The following KIF18A variants were observed in gnomAD, a reference collection of about 807,000 sequenced individuals.
KIF18A encodes the protein kinesin-like protein KIF18A.
Under a neutral mutation model 103.3 loss-of-function variants are expected in KIF18A, and 67 were observed. The ratio of observed to expected loss-of-function variants is 0.65; its 90% CI spans 0.53 to 0.79. KIF18A has a LOEUF of 0.79. Ranked by LOEUF, KIF18A falls within the 30% of genes least tolerant of loss-of-function variation. KIF18A has a pLI of 0.00. For missense variants in KIF18A, 1,032 were observed against 1,062.5 expected (o/e 0.97, Z 0.40); for synonymous variants, 367 against 355.5 (o/e 1.03, Z -0.36).
At chr11:28,105,912 C>T (rs1340679016) in intron 1 of KIF18A, among the ~76,000 whole-genome samples, 4 of 152,128 alleles carry the variant, frequency 2.6e-5, no homozygotes, top group East Asian at 1.9e-4. Flanking sequence ...ATAATAATCA[C>T]GTAAGGTAGG....
chr11:28,071,575 A>G (rs1851014944), intron 10 of KIF18A, among the ~76,000 whole-genome samples: 1 of 151,108 alleles, frequency 6.6e-6, no homozygotes, highest in Non-Finnish European at 1.5e-5. Flanking sequence ...GCATAAATAT[A>G]TTTTTATAAA....
At chr11:28,025,690 TG>T (rs1850309523) in intron 15 of KIF18A, among the ~76,000 whole-genome samples, 1 of 152,006 alleles carries the variant, frequency 6.6e-6, no homozygotes, top group Admixed American at 6.6e-5. Context: ...TTAACATTTA[TG>T]TTGTAGGTCA....
At chr11:28,098,758 A>C (rs943760349) in intron 1 of KIF18A, among the ~76,000 whole-genome samples, 1 of 152,170 alleles carries the variant, frequency 6.6e-6, no homozygotes, top group Admixed American at 6.5e-5. Context: ...TCACATGCAA[A>C]GAAGAAAAGT....
At chr11:28,036,713 T>A (rs889758596) in intron 13 of KIF18A, 49 bp from the exon 14 acceptor site, 3 of 1,171,020 alleles carry the variant, frequency 2.6e-6, no homozygotes, top group African/African-American at 1.5e-5. Context: ...CCTAGTTTTT[T>A]AAATAACCCC....
Position 28,021,274 on chromosome 11 carries a change from T to C in KIF18A, c.2623A>G (p.Arg875Gly). The change falls in exon 17 of 17, where the codon AGA (arginine) becomes GGA (glycine). Residue 875 changes from arginine to glycine, a missense_variant. Coordinates refer to ENST00000263181, the MANE Select transcript of KIF18A (RefSeq NM_031217.4). The stretch of plus-strand genomic sequence containing the variant: ...CTTGGATTTATTTTACAGATGTTTC[T>C]TTTATGTTCTAGAGAAGAAATAAAA... Reference protein sequence around the residue: ...QENKPTMEHKRNICKINPSMV... With the variant: ...QENKPTMEHKGNICKINPSMV... 6.8e-7 allele frequency: 1 copy of C among 1,466,362 alleles called. No individual in the cohort carries two copies. The highest frequency in any genetic ancestry group is 9.1e-7 in the Non-Finnish European group (1 of 1,099,724). 90.8% of individuals were successfully genotyped at this position (1,466,362 alleles called of 1,614,324 possible).
At chr11:28,069,714 G>A (rs548069285) in intron 10 of KIF18A, among the ~76,000 whole-genome samples, 12 of 151,098 alleles carry the variant, frequency 7.9e-5, no homozygotes, top group Non-Finnish European at 1.5e-4. Context: ...TGGCGTTAAA[G>A]TACAGTCCCT....
intron 13 of KIF18A, among the ~76,000 whole-genome samples, chr11:28,047,164 A>C (rs910056304): frequency 6.6e-6 from 1 of 151,964 alleles, no homozygotes; most frequent in African/African-American, 2.4e-5. Flanking sequence ...AATCCCCAGT[A>C]ATTTTATATC....
chr11:28,091,202 AAAT>A (rs1851299427), intron 4 of KIF18A, among the ~76,000 whole-genome samples: 1 of 152,238 alleles, frequency 6.6e-6, no homozygotes, highest in East Asian at 1.9e-4. Context: ...TAAAATTTAA[AAAT>A]AAAATTTAAA....
chr11:28,088,825 T>A, intron 5 of KIF18A, 104 bp from the exon 6 acceptor site: 1 of 892,928 alleles, frequency 1.1e-6, no homozygotes, highest in Non-Finnish European at 1.7e-6. Context: ...ATTTTCATTT[T>A]AAAAAACAAC....
chr11:28,102,149 T>C (rs975273898), intron 1 of KIF18A, among the ~76,000 whole-genome samples: 2 of 152,164 alleles, frequency 1.3e-5, no homozygotes, highest in Non-Finnish European at 2.9e-5. Flanking sequence ...GCAGATCCAG[T>C]AGATAATCAA....
chr11:28,075,964 G>T (rs550241235), intron 10 of KIF18A, among the ~76,000 whole-genome samples: 79 of 152,040 alleles, frequency 5.2e-4, no homozygotes, highest in African/African-American at 1.9e-3. Context: ...CCCCAGGCAT[G>T]GTTACTTGGG....
At chr11:28,034,683 T>A (rs1850459017) in intron 15 of KIF18A, among the ~76,000 whole-genome samples, 1 of 151,782 alleles carries the variant, frequency 6.6e-6, no homozygotes, top group Admixed American at 6.6e-5. Context: ...TTTCCCTAGC[T>A]CAGAGTAAGA....
intron 9 of KIF18A, among the ~76,000 whole-genome samples, chr11:28,081,247 C>T (rs1851161936): frequency 6.6e-6 from 1 of 152,250 alleles, no homozygotes; most frequent in East Asian, 1.9e-4. Context: ...CTACACTAAA[C>T]AACAGATTTT....
At position 28,064,728 on chromosome 11, in the gene KIF18A, C is replaced by A. The variant is rs187965956; in HGVS notation, c.1591-2212G>T. Among the ~76,000 whole-genome samples the A allele has an allele frequency of 3.9e-4, 60 of 152,114 alleles. 1 individual carries two copies. The highest frequency in any genetic ancestry group is 2.6e-3 in the Admixed American group (40 of 15,240). ...TTAGTAATAATGGGTCTTTGGCTAGCCTGTTAACTTTGGAAAATCAAGTTT... is the reference window on the plus strand; with the variant it reads ...TTAGTAATAATGGGTCTTTGGCTAGACTGTTAACTTTGGAAAATCAAGTTT... On this transcript the variant is annotated intron_variant, in intron 11 of 16. Coordinates refer to ENST00000263181, the MANE Select transcript of KIF18A (RefSeq NM_031217.4).
chr11:28,073,632 C>G (rs953043356), intron 10 of KIF18A, among the ~76,000 whole-genome samples: 1 of 152,126 alleles, frequency 6.6e-6, no homozygotes, highest in Non-Finnish European at 1.5e-5. Context: ...GTTATAAATA[C>G]TAAATTAATT....
chr11:28,058,851 G>A, intron 13 of KIF18A, 75 bp downstream of exon 13: 2 of 1,094,566 alleles, frequency 1.8e-6, no homozygotes, highest in East Asian at 4.8e-5. Flanking sequence ...AAAATTAACT[G>A]TTCTATAGAT....
intron 13 of KIF18A, among the ~76,000 whole-genome samples, chr11:28,041,026 A>C (rs927331044): frequency 1.3e-4 from 19 of 151,788 alleles, no homozygotes; most frequent in African/African-American, 4.3e-4. Flanking sequence ...TTATGAAAAA[A>C]AGTTGTAGTC....
intron 10 of KIF18A, among the ~76,000 whole-genome samples, chr11:28,071,782 A>G (rs1851018949): frequency 6.6e-6 from 1 of 152,162 alleles, no homozygotes; most frequent in Non-Finnish European, 1.5e-5. Flanking sequence ...ATTTAGGCAA[A>G]CAGATTTTAG....
intron 9 of KIF18A, among the ~76,000 whole-genome samples, chr11:28,078,613 AT>A (rs1223049479): frequency 6.6e-6 from 1 of 152,104 alleles, no homozygotes; most frequent in Non-Finnish European, 1.5e-5. Flanking sequence ...CTGCACCAAT[AT>A]TTTTAGGTAA....
Sources: allele counts gnomAD v4.1 joint callset (sites outside exome capture counted in the v4.1 genomes callset), GRCh38; gene constraint gnomAD v4.1.1; transcripts MANE v1.5; gene names NCBI Gene and HGNC (gene_info 2026-07-23, HGNC 2026-07-21).